The following FABP6 variants were observed in gnomAD, a reference collection of about 807,000 sequenced individuals.
FABP6 encodes fatty acid binding protein 6.
A neutral mutation model predicts 14.9 loss-of-function variants in FABP6; 13 were observed. The observed-to-expected ratio is 0.87, with a 90% CI of 0.57 to 1.39. The LOEUF (loss-of-function observed/expected upper bound fraction) is 1.39, where lower values mean the gene tolerates loss of function less well. Ranked by LOEUF, FABP6 falls within the 40% of genes most tolerant of loss-of-function variation. The probability of loss-of-function intolerance (pLI) is 0.00; values close to 1 mark genes in which losing one functional copy is unlikely to be tolerated. For synonymous variants in FABP6, 75 were observed against 63.6 expected (o/e 1.18, Z -0.85); for missense variants, 161 against 167.2 (o/e 0.96, Z 0.20).
At chr5:160,204,310 C>G (rs112503188) in intron 2 of FABP6, among the ~76,000 whole-genome samples, 10 of 152,062 alleles carry the variant, frequency 6.6e-5, no homozygotes, top group Non-Finnish European at 1.2e-4. Flanking sequence ...GAGTGAGACT[C>G]CCCATCTCTA....
upstream of FABP6, among the ~76,000 whole-genome samples, chr5:160,225,476 A>T (rs998030227): frequency 1.4e-5 from 2 of 138,766 alleles, no homozygotes; most frequent in African/African-American, 2.8e-5. Flanking sequence ...ATCTCGGCTC[A>T]CTGCAACTTT....
chr5:160,215,699 G>T (rs1020404671), intron 3 of FABP6, among the ~76,000 whole-genome samples: 1 of 148,008 alleles, frequency 6.8e-6, no homozygotes, highest in Non-Finnish European at 1.5e-5. Flanking sequence ...AAAAAAAAAA[G>T]AAAAAAAGAA....
chr5:160,203,453 C>A (rs892272114), intron 2 of FABP6, among the ~76,000 whole-genome samples: 8 of 152,096 alleles, frequency 5.3e-5, no homozygotes, highest in Non-Finnish European at 1.0e-4. Flanking sequence ...TTTGGTTTGG[C>A]CTGATTTGTT....
At chr5:160,228,824 C>T (rs1760306966), upstream of FABP6, 2 of 279,340 alleles carry the variant, frequency 7.2e-6, no homozygotes, top group East Asian at 8.0e-5. Flanking sequence ...TGGCCCTTTC[C>T]ATCTTCGTCA....
intron 1 of FABP6, among the ~76,000 whole-genome samples, chr5:160,188,368 A>C (rs1759329615): frequency 6.6e-6 from 1 of 151,960 alleles, no homozygotes; most frequent in African/African-American, 2.4e-5. Flanking sequence ...AAACATTAGC[A>C]AATCCCCAGC....
At chr5:160,234,152 A>G (rs1371325916) in intron 2 of FABP6, among the ~76,000 whole-genome samples, 1 of 152,144 alleles carries the variant, frequency 6.6e-6, no homozygotes, top group African/African-American at 2.4e-5. Flanking sequence ...ATAACTCACA[A>G]TCTTCCTGTG....
At chr5:160,199,251 C>A in intron 2 of FABP6, 7 of 1,300,668 alleles carry the variant, frequency 5.4e-6, no homozygotes, top group South Asian at 3.6e-5. Context: ...GGGACTTGCT[C>A]GCCTTTCTCT....
At chr5:160,207,726 T>C (rs1368666088) in intron 2 of FABP6, among the ~76,000 whole-genome samples, 1 of 145,998 alleles carries the variant, frequency 6.8e-6, no homozygotes, top group Non-Finnish European at 1.5e-5. Context: ...TTACCTCCTT[T>C]TTTTTTTTTT....
At chr5:160,197,956 G>GTGTGTGTGTA (rs1554111891) in intron 1 of FABP6, 225 of 125,376 alleles carry the variant, frequency 1.8e-3, no homozygotes, top group African/African-American at 6.2e-3. Context: ...GTGTGTGTAT[G>GTGTGTGTGTA]TGTGTGTGTG....
chr5:160,208,336 G>T (rs1759812119), intron 2 of FABP6, among the ~76,000 whole-genome samples: 1 of 152,134 alleles, frequency 6.6e-6, no homozygotes, highest in Non-Finnish European at 1.5e-5. Flanking sequence ...TACTTGGGAG[G>T]CTGAGGTGGG....
intron 3 of FABP6, among the ~76,000 whole-genome samples, chr5:160,220,814 G>A (rs58522865): frequency 0.078 from 11,852 of 151,898 alleles, 708 homozygotes; most frequent in East Asian, 0.36. Context: ...CAGACCGGGC[G>A]CCGTGGCTCA....
In FABP6 at chr5:160,203,533, A is replaced by AT. The variant is rs372676101; in HGVS notation, c.51+4385dup. Among the ~76,000 whole-genome samples the AT allele has an allele frequency of 3.3e-3, 500 of 150,918 alleles. 4 individuals carry two copies. Among genetic ancestry groups the AT allele is most frequent in the African/African-American group, 0.012 (478 of 41,152 alleles). On this transcript the variant is annotated intron_variant, in intron 2 of 6. Transcript: ENST00000393980. ...AATTTTATTTAACGATGCTCACCTC[A>AT]TTTTTTTTTCTTTGAGAAAAGGTCT...
At chr5:160,213,815 G>A in exon 3 of FABP6, 3 of 1,613,480 alleles carry the variant, frequency 1.9e-6, no homozygotes, top group Non-Finnish European at 2.5e-6. Flanking sequence ...ACACATAAAG[G>A]AAAGGTATGG....
At chr5:160,214,358 T>C (rs1403138372) in intron 3 of FABP6, among the ~76,000 whole-genome samples, 1 of 151,674 alleles carries the variant, frequency 6.6e-6, no homozygotes, top group East Asian at 2.0e-4. Flanking sequence ...AGAGACACAG[T>C]CTTGCTATGT....
intron 3 of FABP6, among the ~76,000 whole-genome samples, chr5:160,237,748 A>T (rs1760548180): frequency 6.6e-6 from 1 of 152,122 alleles, no homozygotes; most frequent in African/African-American, 2.4e-5. Flanking sequence ...TTCTACAGGT[A>T]TGCTCTCCCC....
At chr5:160,225,731 G>A (rs181634142), upstream of FABP6, among the ~76,000 whole-genome samples, 138 of 152,232 alleles carry the variant, frequency 9.1e-4, no homozygotes, top group African/African-American at 3.0e-3. Flanking sequence ...ACATGGGACC[G>A]TGTTTACAAA....
At chr5:160,222,587 G>C (rs2113123464) in intron 3 of FABP6, among the ~76,000 whole-genome samples, 1 of 152,308 alleles carries the variant, frequency 6.6e-6, no homozygotes, top group Middle Eastern at 3.4e-3. Flanking sequence ...ACCCACCTCA[G>C]CCTCCCAAAG....
At chr5:160,228,467 A>G (rs574159811), upstream of FABP6, 8 of 456,266 alleles carry the variant, frequency 1.8e-5, no homozygotes, top group South Asian at 7.7e-5. Context: ...ATTTTGCCCA[A>G]TGCAGAGGAC....
intron 2 of FABP6, among the ~76,000 whole-genome samples, chr5:160,200,113 C>T (rs139883291): frequency 1.2e-4 from 18 of 152,354 alleles, no homozygotes; most frequent in African/African-American, 3.8e-4. Context: ...ATCTCTGCTG[C>T]TTAATAGCTG....
Sources: allele counts gnomAD v4.1 joint callset (sites outside exome capture counted in the v4.1 genomes callset), GRCh38; gene constraint gnomAD v4.1.1; transcripts MANE v1.5; gene names NCBI Gene and HGNC (gene_info 2026-07-23, HGNC 2026-07-21).